The following MC5R variants were observed in gnomAD, a reference collection of about 807,000 sequenced individuals.
The protein encoded by MC5R is melanocortin 5 receptor.
For missense variants in MC5R, 420 were observed against 431.4 expected, an observed-to-expected ratio of 0.97 and a Z score of 0.23; for synonymous variants, 167 against 164.4, an observed-to-expected ratio of 1.02 and a Z score of -0.12.
chr18:13,826,264 T>C lies in MC5R; in HGVS notation c.499T>C (p.Trp167Arg). 6.2e-7 allele frequency: 1 copy of C among 1,614,164 alleles called. No individual in the cohort carries two copies. Among genetic ancestry groups the C allele is most frequent in the Non-Finnish European group, 8.5e-7 (1 of 1,180,036 alleles). The change falls in exon 2 of 2, where the codon TGG (tryptophan) becomes CGG (arginine). Residue 167 changes from tryptophan (W) to arginine (R), a missense_variant. Physicochemically the swap from Trp to Arg is moderately radical, Grantham distance 101. Transcript: ENST00000589410. ...CTCAGGGGCCATCATCGCCGGCATC[T>C]GGGCTTTCTGCACGGGCTGCGGCAT... is the stretch of plus-strand genomic sequence containing the variant. ...RRSGAIIAGIWAFCTGCGIVF... is the reference protein window; with the variant it reads ...RRSGAIIAGIRAFCTGCGIVF...
intron 1 of MC5R, among the ~76,000 whole-genome samples, chr18:13,825,393 T>C (rs774095033): frequency 4.6e-5 from 7 of 152,090 alleles, no homozygotes; most frequent in Non-Finnish European, 1.0e-4. Context: ...CTAATCTGCG[T>C]GTCCAGGGGC....
Sources: gnomAD v4.1 joint callset for allele counts (sites outside exome capture counted in the v4.1 genomes callset) on GRCh38, gnomAD v4.1.1 for gene constraint, MANE v1.5 for transcripts, NCBI Gene and HGNC (gene_info 2026-07-23, HGNC 2026-07-21) for gene names.